The following HMGN3 variants were observed in gnomAD, a reference collection of about 807,000 sequenced individuals.
HMGN3 encodes the protein high mobility group nucleosomal binding domain 3.
In HMGN3, 6 loss-of-function variants were observed where a neutral mutation model predicts 18.8. The observed-to-expected ratio is 0.32, with a 90% CI of 0.18 to 0.63. The LOEUF is 0.63. HMGN3 is among the 30% of genes least tolerant of loss of function. The pLI is 0.79. For missense variants in HMGN3, 107 were observed against 114.2 expected (o/e 0.94, Z 0.29); for synonymous variants, 40 against 36.5 (o/e 1.10, Z -0.35).
chr6:79,211,648 G>C (rs1776697171), intron 2 of HMGN3, among the ~76,000 whole-genome samples: 1 of 152,018 alleles, frequency 6.6e-6, no homozygotes, highest in Non-Finnish European at 1.5e-5. Flanking sequence ...AGTCATCATT[G>C]ATAAATATGA....
intron 2 of HMGN3, among the ~76,000 whole-genome samples, chr6:79,212,681 G>GAGTAC (rs1776757671): frequency 6.6e-6 from 1 of 152,182 alleles, no homozygotes; most frequent in African/African-American, 2.4e-5. Context: ...GTCCCCTGAA[G>GAGTAC]TACTATCTTC....
chr6:79,216,497 T>C (rs1468671743), intron 1 of HMGN3, among the ~76,000 whole-genome samples: 1 of 152,204 alleles, frequency 6.6e-6, no homozygotes, highest in Non-Finnish European at 1.5e-5. Flanking sequence ...AAGGACCCAG[T>C]GACCTTTCTC....
chr6:79,219,938 A>G (rs996894845), intron 1 of HMGN3, among the ~76,000 whole-genome samples: 4 of 152,218 alleles, frequency 2.6e-5, no homozygotes, highest in Non-Finnish European at 5.9e-5. Flanking sequence ...TAATTTACCA[A>G]TCGCTGATTC....
chr6:79,218,604 A>G (rs1481926930), intron 1 of HMGN3, among the ~76,000 whole-genome samples: 2 of 152,190 alleles, frequency 1.3e-5, no homozygotes, highest in African/African-American at 4.8e-5. Flanking sequence ...ATACAAGAAA[A>G]GTCTATAAAG....
chr6:79,219,784 G>A lies in HMGN3; in HGVS notation c.16-4762C>T, dbSNP rs1777176585. On this transcript the variant is annotated intron_variant, in intron 1 of 5. Transcript: ENST00000344726. ...AATGAGATATTTCACAGACTTTTTT[G>A]TACTAAATCTTTAAAATCTGGTGTT... Among the ~76,000 whole-genome samples the A allele has an allele frequency of 2.0e-5, 3 of 152,126 alleles. No individual in the cohort carries two copies. The South Asian group carries it at 6.2e-4, about 32-fold the overall frequency.
intron 1 of HMGN3, among the ~76,000 whole-genome samples, chr6:79,225,791 T>C (rs1777538192): frequency 6.6e-6 from 1 of 152,214 alleles, no homozygotes; most frequent in Admixed American, 6.5e-5. Flanking sequence ...CACTAGTTAC[T>C]GAAATACCTA....
intron 3 of HMGN3, among the ~76,000 whole-genome samples, chr6:79,208,078 C>A (rs989076483): frequency 6.6e-6 from 1 of 152,210 alleles, no homozygotes; most frequent in East Asian, 1.9e-4. Context: ...GAAGGAGACA[C>A]CAAATAGCAA....
At chr6:79,207,455 A>G (rs1193993575) in intron 3 of HMGN3, among the ~76,000 whole-genome samples, 1 of 152,208 alleles carries the variant, frequency 6.6e-6, no homozygotes, top group Non-Finnish European at 1.5e-5. Flanking sequence ...GCTGCCATCC[A>G]CATAAGATGT....
chr6:79,214,204 C>CTTTTTT (rs147294632), intron 2 of HMGN3, among the ~76,000 whole-genome samples: 3 of 135,842 alleles, frequency 2.2e-5, no homozygotes, highest in Non-Finnish European at 3.2e-5. Context: ...AGTTCTTTTT[C>CTTTTTT]TTTTTTTTTT....
At chr6:79,226,744 T>C (rs907451423) in intron 1 of HMGN3, among the ~76,000 whole-genome samples, 1 of 152,186 alleles carries the variant, frequency 6.6e-6, no homozygotes, top group African/African-American at 2.4e-5. Flanking sequence ...AATTTCGAAG[T>C]TTAAAACCAT....
At chr6:79,201,638 A>C (rs1467373189) in exon 6 of HMGN3, 2 of 1,259,318 alleles carry the variant, frequency 1.6e-6, no homozygotes, top group African/African-American at 3.0e-5. Context: ...ATAGCTTTTA[A>C]AAGTTGTCCC....
intron 1 of HMGN3, among the ~76,000 whole-genome samples, chr6:79,231,755 TA>T (rs1480532380): frequency 3.9e-5 from 6 of 152,232 alleles, no homozygotes; most frequent in Non-Finnish European, 7.3e-5. Flanking sequence ...CCCACACTTT[TA>T]AGACCAGCCT....
At chr6:79,203,914 T>A (rs576060846) in intron 3 of HMGN3, among the ~76,000 whole-genome samples, 1 of 152,330 alleles carries the variant, frequency 6.6e-6, no homozygotes, top group East Asian at 1.9e-4. Context: ...TAAGCTTCTA[T>A]CTCCAATGTG....
intron 1 of HMGN3, among the ~76,000 whole-genome samples, chr6:79,232,705 C>T (rs1777905180): frequency 6.6e-6 from 1 of 151,762 alleles, no homozygotes; most frequent in Admixed American, 6.6e-5. Context: ...AGGAAGGGTT[C>T]CATCGTCAGG....
intron 2 of HMGN3, among the ~76,000 whole-genome samples, chr6:79,211,351 G>T (rs1407556393): frequency 6.6e-6 from 1 of 151,872 alleles, no homozygotes; most frequent in African/African-American, 2.4e-5. Context: ...ATATGAAATA[G>T]ATTAGACTGC....
At chr6:79,206,423 G>A (rs1776423789) in intron 3 of HMGN3, among the ~76,000 whole-genome samples, 1 of 152,192 alleles carries the variant, frequency 6.6e-6, no homozygotes, top group Admixed American at 6.5e-5. Flanking sequence ...TGACTAAAAG[G>A]GGCTAAGGTA....
At chr6:79,223,535 A>C (rs183313115) in intron 1 of HMGN3, among the ~76,000 whole-genome samples, 1 of 150,276 alleles carries the variant, frequency 6.7e-6, no homozygotes, top group Non-Finnish European at 1.5e-5. Flanking sequence ...CACACACACA[A>C]ACAAACACCC....
At chr6:79,217,302 G>A (rs1777041051) in intron 1 of HMGN3, among the ~76,000 whole-genome samples, 1 of 152,208 alleles carries the variant, frequency 6.6e-6, no homozygotes, top group East Asian at 1.9e-4. Context: ...ACAATGGTAT[G>A]AATGCAGGAT....
intron 1 of HMGN3, among the ~76,000 whole-genome samples, chr6:79,221,510 C>T (rs187470683): frequency 2.6e-5 from 4 of 152,210 alleles, no homozygotes; most frequent in Non-Finnish European, 4.4e-5. Context: ...AATTTTTATT[C>T]CATAGGCCAT....
Sources: gnomAD v4.1 joint callset for allele counts (sites outside exome capture counted in the v4.1 genomes callset) on GRCh38, gnomAD v4.1.1 for gene constraint, MANE v1.5 for transcripts, NCBI Gene and HGNC (gene_info 2026-07-23, HGNC 2026-07-21) for gene names.